The following KLF7 variants were observed in gnomAD, a reference collection of about 807,000 sequenced individuals.
KLF7 encodes the protein Krueppel-like factor 7.
A neutral mutation model predicts 27.3 loss-of-function variants in KLF7; 2 were observed. The observed-to-expected ratio is 0.07, with a 90% CI of 0.03 to 0.23. The LOEUF is 0.23. KLF7 is among the 10% of genes least tolerant of loss of function. KLF7 has a pLI of 1.00. For synonymous variants in KLF7, 165 were observed against 162.4 expected (o/e 1.02, Z -0.12); for missense variants, 221 against 394.1 (o/e 0.56, Z 3.72).
intron 1 of KLF7, among the ~76,000 whole-genome samples, chr2:207,165,160 A>G (rs1574607991): frequency 6.6e-6 from 1 of 152,038 alleles, no homozygotes; most frequent in South Asian, 2.1e-4. Flanking sequence ...TCCGAACCCC[A>G]GAAGTTCGGC....
chr2:207,158,720 CAAGT>C (rs2078458848), intron 1 of KLF7, among the ~76,000 whole-genome samples: 1 of 152,264 alleles, frequency 6.6e-6, no homozygotes, highest in South Asian at 2.1e-4. Context: ...TCAAATTACA[CAAGT>C]AAGCCTTCTC....
chr2:207,153,993 G>A (rs971163), intron 1 of KLF7, among the ~76,000 whole-genome samples: 14,507 of 152,172 alleles, frequency 0.095, 924 homozygotes, highest in Non-Finnish European at 0.13. Flanking sequence ...AGCAGCATAT[G>A]CATGATTCTT....
chr2:207,171,148 T>C (rs2106169663), upstream of KLF7, among the ~76,000 whole-genome samples: 1 of 150,972 alleles, frequency 6.6e-6, no homozygotes, highest in East Asian at 1.9e-4. Context: ...CCCTTCTGGG[T>C]GACTTTGAGG....
intron 3 of KLF7, among the ~76,000 whole-genome samples, chr2:207,083,124 G>T (rs955948227): frequency 2.6e-5 from 4 of 152,184 alleles, no homozygotes; most frequent in African/African-American, 9.7e-5. Flanking sequence ...TCTAAAGGGG[G>T]TTTGGTTTGC....
At chr2:207,098,921 C>A (rs998082214) in intron 2 of KLF7, among the ~76,000 whole-genome samples, 1 of 151,256 alleles carries the variant, frequency 6.6e-6, no homozygotes, top group Non-Finnish European at 1.5e-5. Flanking sequence ...TGTCTATTCC[C>A]AAACTATTAA....
At chr2:207,085,036 C>A (rs996265958) in intron 3 of KLF7, among the ~76,000 whole-genome samples, 8 of 151,872 alleles carry the variant, frequency 5.3e-5, no homozygotes, top group Non-Finnish European at 1.2e-4. Context: ...GTGGCAGGTA[C>A]CTGTAATCCC....
chr2:207,098,052 G>A (rs888454379), intron 2 of KLF7, among the ~76,000 whole-genome samples: 1 of 152,110 alleles, frequency 6.6e-6, no homozygotes, highest in Admixed American at 6.5e-5. Flanking sequence ...ACCTGAAGCT[G>A]TATGTTCTCA....
At position 207,114,676 on chromosome 2, in the gene KLF7, A is replaced by G. The variant is rs185298287; in HGVS notation, c.733+9098T>C. 3.9e-3 allele frequency among the ~76,000 whole-genome samples: 597 copies of G among 152,286 alleles called. 4 individuals are homozygous for G. The highest frequency in any genetic ancestry group is 7.3e-3 in the South Asian group (35 of 4,826). On this transcript the variant is annotated intron_variant, in intron 2 of 3. Transcript: ENST00000309446. The stretch of plus-strand genomic sequence containing the variant: ...AACATTGGCTTCAATATTAGAGCAA[A>G]CTATAGTCCTTATTACAAAACATCC...
intron 1 of KLF7, among the ~76,000 whole-genome samples, chr2:207,143,720 C>A (rs899998681): frequency 1.3e-5 from 2 of 152,174 alleles, no homozygotes; most frequent in African/African-American, 4.8e-5. Flanking sequence ...TCAGATTCAA[C>A]GCAGGCGCCT....
chr2:207,111,800 T>C (rs1244141290), intron 2 of KLF7, among the ~76,000 whole-genome samples: 1 of 152,140 alleles, frequency 6.6e-6, no homozygotes, highest in Non-Finnish European at 1.5e-5. Flanking sequence ...CTGATGTTCA[T>C]TTATCACTGG....
upstream of KLF7, among the ~76,000 whole-genome samples, chr2:207,167,989 C>G (rs566861412): frequency 2.0e-3 from 302 of 152,248 alleles, no homozygotes; most frequent in Middle Eastern, 3.4e-3. Flanking sequence ...GGTAGAAACC[C>G]CTTGCTAGTT....
At chr2:207,166,024 C>G (rs192373835), upstream of KLF7, 257 of 682,778 alleles carry the variant, frequency 3.8e-4, no homozygotes, top group East Asian at 1.0e-3. Flanking sequence ...TCTTCCCCCC[C>G]CTTCCCTTCC....
chr2:207,106,773 T>C (rs566968202), intron 2 of KLF7, among the ~76,000 whole-genome samples: 1 of 152,252 alleles, frequency 6.6e-6, no homozygotes, highest in African/African-American at 2.4e-5. Flanking sequence ...GAAATGATGG[T>C]AATGGATGCT....
intron 2 of KLF7, among the ~76,000 whole-genome samples, chr2:207,120,195 C>T (rs1203787822): frequency 6.6e-6 from 1 of 152,116 alleles, no homozygotes; most frequent in Non-Finnish European, 1.5e-5. Context: ...TAAAAAATCA[C>T]CTCATTGCCT....
chr2:207,162,018 A>G (rs1365040385), intron 1 of KLF7, among the ~76,000 whole-genome samples: 1 of 152,218 alleles, frequency 6.6e-6, no homozygotes, highest in East Asian at 1.9e-4. Context: ...GCTAAGTCCA[A>G]ATAAGACTTA....
chr2:207,107,234 G>A (rs1033099688), intron 2 of KLF7, among the ~76,000 whole-genome samples: 2 of 152,160 alleles, frequency 1.3e-5, no homozygotes, highest in Admixed American at 6.5e-5. Flanking sequence ...GAACCAAACA[G>A]CACCCCACAG....
At chr2:207,093,759 C>T (rs919181886) in intron 2 of KLF7, among the ~76,000 whole-genome samples, 12 of 152,310 alleles carry the variant, frequency 7.9e-5, no homozygotes, top group African/African-American at 2.9e-4. Flanking sequence ...GCAACAAAAA[C>T]CTGAATACAC....
At chr2:207,149,015 A>T (rs528522925) in intron 1 of KLF7, 2 of 1,165,466 alleles carry the variant, frequency 1.7e-6, no homozygotes, top group South Asian at 3.4e-5. Context: ...TTTGTTCAAG[A>T]CAACAAAAAC....
chr2:207,113,608 G>GGT (rs368596106), intron 2 of KLF7, among the ~76,000 whole-genome samples: 1 of 22,072 alleles, frequency 4.5e-5, no homozygotes, highest in East Asian at 8.8e-3. Flanking sequence ...AATGGGGGGT[G>GGT]GGGGGGGGGG....
Sources: gnomAD v4.1 joint callset for allele counts (sites outside exome capture counted in the v4.1 genomes callset) on GRCh38, gnomAD v4.1.1 for gene constraint, MANE v1.5 for transcripts, NCBI Gene and HGNC (gene_info 2026-07-23, HGNC 2026-07-21) for gene names.